CTIF: variants seen among roughly 807,000 people sequenced by gnomAD.
The protein encoded by CTIF is CBP80/20-dependent translation initiation factor.
A neutral mutation model predicts 66.0 loss-of-function variants in CTIF; 21 were observed. The observed-to-expected ratio is 0.32, with a 90% CI of 0.23 to 0.46. CTIF has a LOEUF of 0.46. Ranked by LOEUF, CTIF falls within the 20% of genes least tolerant of loss-of-function variation. The pLI, the probability that CTIF is intolerant of heterozygous loss-of-function variation, is 1.00. For missense variants in CTIF, 739 were observed against 812.7 expected, an observed-to-expected ratio of 0.91 and a Z score of 1.10; for synonymous variants, 345 against 326.4, an observed-to-expected ratio of 1.06 and a Z score of -0.62.
chr18:48,760,417 T>C (rs905978292), intron 8 of CTIF: 6 of 152,134 alleles, frequency 3.9e-5, no homozygotes, highest in Non-Finnish European at 7.3e-5. Flanking sequence ...CTCACTGTGT[T>C]ACCTATGAGG....
At chr18:48,841,527 C>T (rs1374417010) in intron 10 of CTIF, among the ~76,000 whole-genome samples, 3 of 152,220 alleles carry the variant, frequency 2.0e-5, no homozygotes, top group Admixed American at 6.5e-5. Context: ...CCAGGCCCGG[C>T]GTTCTGAGCT....
At chr18:48,848,056 T>G (rs1481022569) in intron 10 of CTIF, among the ~76,000 whole-genome samples, 1 of 152,168 alleles carries the variant, frequency 6.6e-6, no homozygotes, top group Non-Finnish European at 1.5e-5. Flanking sequence ...GACGTGTAGG[T>G]GGCAACCATC....
intron 3 of CTIF, among the ~76,000 whole-genome samples, chr18:48,663,212 G>C (rs1263673035): frequency 2.6e-5 from 4 of 152,230 alleles, no homozygotes; most frequent in Admixed American, 2.6e-4. Flanking sequence ...CCAAATCATA[G>C]AAGCTGCATT....
At chr18:48,722,110 A>G (rs2092343439) in intron 7 of CTIF, among the ~76,000 whole-genome samples, 1 of 152,060 alleles carries the variant, frequency 6.6e-6, no homozygotes, top group Non-Finnish European at 1.5e-5. Context: ...AAGGTTCTAG[A>G]AAGGCAGCCA....
intron 6 of CTIF, among the ~76,000 whole-genome samples, chr18:48,710,362 G>T (rs1016471786): frequency 1.3e-5 from 2 of 152,164 alleles, no homozygotes; most frequent in Non-Finnish European, 2.9e-5. Context: ...AGGTGGGTGG[G>T]AGTCACACTC....
chr18:48,729,716 T>G (rs2092420044), intron 7 of CTIF, among the ~76,000 whole-genome samples: 1 of 152,228 alleles, frequency 6.6e-6, no homozygotes, highest in Admixed American at 6.5e-5. Flanking sequence ...TGGGGATCCG[T>G]GGTGATCTGG....
chr18:48,703,681 G>A (rs1342777499), intron 6 of CTIF, among the ~76,000 whole-genome samples: 1 of 152,204 alleles, frequency 6.6e-6, no homozygotes, highest in African/African-American at 2.4e-5. Context: ...TGGATTCTAT[G>A]AAAGTGCAGG....
chr18:48,709,301 T>G (rs2092196867), intron 6 of CTIF, among the ~76,000 whole-genome samples: 1 of 152,314 alleles, frequency 6.6e-6, no homozygotes, highest in Non-Finnish European at 1.5e-5. Context: ...CTGGGATGGA[T>G]GGATGGGTGG....
chr18:48,726,307 A>C (rs2092386830), intron 7 of CTIF, among the ~76,000 whole-genome samples: 1 of 152,180 alleles, frequency 6.6e-6, no homozygotes, highest in South Asian at 2.1e-4. Flanking sequence ...GGGGTTATCT[A>C]TTGCTGTGTA....
At chr18:48,769,338 C>G (rs1909885870) in intron 9 of CTIF, among the ~76,000 whole-genome samples, 1 of 152,244 alleles carries the variant, frequency 6.6e-6, no homozygotes, top group Non-Finnish European at 1.5e-5. Context: ...AAGGCTGAAG[C>G]AAAGGGCCAG....
At chr18:48,663,726 A>G in intron 3 of CTIF, 26 bp from the exon 4 acceptor site, 1 of 1,607,804 alleles carries the variant, frequency 6.2e-7, no homozygotes, top group Non-Finnish European at 8.5e-7. Context: ...AATTAATGTC[A>G]GCCCTTTCAC....
At chr18:48,613,611 G>A (rs1455612682) in intron 1 of CTIF, among the ~76,000 whole-genome samples, 2 of 152,186 alleles carry the variant, frequency 1.3e-5, no homozygotes, top group Admixed American at 6.5e-5. Context: ...TGACAAGCAC[G>A]GACTGTGATT....
chr18:48,674,681 A>G (rs299738), intron 6 of CTIF, among the ~76,000 whole-genome samples: 133,411 of 152,166 alleles, frequency 0.88, 59,167 homozygotes, highest in East Asian at 1. Context: ...TCATCTCTGG[A>G]GCTGCTGGAC....
intron 7 of CTIF, among the ~76,000 whole-genome samples, chr18:48,714,309 A>C (rs2092258778): frequency 1.3e-5 from 2 of 152,204 alleles, no homozygotes; most frequent in African/African-American, 2.4e-5. Flanking sequence ...ATGGTGGCAA[A>C]GGGAGAAGTG....
intron 6 of CTIF, among the ~76,000 whole-genome samples, chr18:48,675,291 C>T (rs2091608259): frequency 6.6e-6 from 1 of 152,212 alleles, no homozygotes; most frequent in East Asian, 1.9e-4. Flanking sequence ...GGCTACCACT[C>T]TGTCAGTGTT....
intron 9 of CTIF, among the ~76,000 whole-genome samples, chr18:48,803,011 CCTAAGTGTGAGA>C (rs1465356964): frequency 6.6e-6 from 1 of 152,254 alleles, no homozygotes; most frequent in East Asian, 1.9e-4. Context: ...TTCGCGCCTG[CCTAAGTGTGAGA>C]CAGAATTCCT....
chr18:48,840,075 G>A (rs1020056753), intron 10 of CTIF, among the ~76,000 whole-genome samples: 14 of 152,156 alleles, frequency 9.2e-5, no homozygotes, highest in Non-Finnish European at 1.6e-4. Flanking sequence ...TTCTGGCTAC[G>A]GAGGTCAGAG....
chr18:48,760,092 C>G (rs758036468), intron 8 of CTIF: 2 of 152,040 alleles, frequency 1.3e-5, no homozygotes, highest in Non-Finnish European at 2.9e-5. Context: ...TTAACTTTAC[C>G]CAGGGACTCA....
intron 9 of CTIF, among the ~76,000 whole-genome samples, chr18:48,764,889 T>C (rs1446056113): frequency 1.3e-5 from 2 of 152,166 alleles, no homozygotes; most frequent in Non-Finnish European, 2.9e-5. Flanking sequence ...TCAGCTGCCA[T>C]GGGAAGGCGG....
Sources: gnomAD v4.1 joint callset for allele counts (sites outside exome capture counted in the v4.1 genomes callset) on GRCh38, gnomAD v4.1.1 for gene constraint, MANE v1.5 for transcripts, NCBI Gene and HGNC (gene_info 2026-07-23, HGNC 2026-07-21) for gene names.